Variants in KCNC2 observed in about 807,000 individuals in gnomAD.
The protein encoded by KCNC2 is voltage-gated potassium channel KCNC2.
In KCNC2, 21 loss-of-function variants were observed where a neutral mutation model predicts 44.5. The observed-to-expected ratio is 0.47, with a 90% CI of 0.33 to 0.68. The LOEUF (loss-of-function observed/expected upper bound fraction) is 0.68, where lower values mean the gene tolerates loss of function less well. KCNC2 is among the 30% of genes least tolerant of loss of function. The pLI, the probability that KCNC2 is intolerant of heterozygous loss-of-function variation, is 0.01. For missense variants in KCNC2, 589 were observed against 826.2 expected (o/e 0.71, Z 3.52); for synonymous variants, 391 against 339.1 (o/e 1.15, Z -1.68).
intron 2 of KCNC2, among the ~76,000 whole-genome samples, chr12:75,184,151 G>T (rs764254394): frequency 2.6e-5 from 4 of 151,994 alleles, no homozygotes; most frequent in Non-Finnish European, 5.9e-5. Flanking sequence ...ACTTATATTT[G>T]ATAGTAATGC....
chr12:75,043,802 C>A, intron 4 of KCNC2: 2 of 1,483,572 alleles, frequency 1.3e-6, no homozygotes, highest in Non-Finnish European at 9.0e-7. Flanking sequence ...ATGGAATGCC[C>A]ATTTCTAATT....
chr12:75,144,197 T>A (rs1379957), intron 2 of KCNC2, among the ~76,000 whole-genome samples: 25,215 of 152,102 alleles, frequency 0.17, 2,664 homozygotes, highest in African/African-American at 0.29. Flanking sequence ...TTATCTTTTT[T>A]AAAAAATTAA....
intron 2 of KCNC2, among the ~76,000 whole-genome samples, chr12:75,110,381 A>G (rs1473687739): frequency 3.3e-5 from 5 of 152,178 alleles, no homozygotes; most frequent in African/African-American, 1.2e-4. Context: ...GCTAATATTG[A>G]CAGAACATTG....
intron 2 of KCNC2, among the ~76,000 whole-genome samples, chr12:75,130,604 A>T (rs1277725963): frequency 6.6e-6 from 1 of 152,326 alleles, no homozygotes; most frequent in Admixed American, 6.5e-5. Context: ...TGATGAACAC[A>T]TCAATAAGAA....
Position 75,060,931 on chromosome 12 carries a change from T to C in KCNC2, c.688-9614A>G, listed in dbSNP as rs1882255370. Among the ~76,000 whole-genome samples the C allele has an allele frequency of 2.0e-5, 3 of 152,168 alleles. No homozygotes were observed. In the South Asian group the frequency reaches 6.2e-4, roughly 32 times the overall value. ...AATTCACCTTTTTCCTTTGTGAGTCTGGCAAAGAACTACTAAGTAGTTAAA... is the reference window on the plus strand; with the variant it reads ...AATTCACCTTTTTCCTTTGTGAGTCCGGCAAAGAACTACTAAGTAGTTAAA... On this transcript the variant is annotated intron_variant, in intron 2 of 4. Transcript: ENST00000549446.
At chr12:75,149,455 A>G (rs1890241424) in intron 2 of KCNC2, among the ~76,000 whole-genome samples, 1 of 151,914 alleles carries the variant, frequency 6.6e-6, no homozygotes, top group South Asian at 2.1e-4. Context: ...ACCATTTTAA[A>G]TGTGAATAAA....
intron 2 of KCNC2, among the ~76,000 whole-genome samples, chr12:75,088,134 A>C (rs1280303598): frequency 6.6e-6 from 1 of 152,042 alleles, no homozygotes; most frequent in African/African-American, 2.4e-5. Context: ...GGTTTAAAAA[A>C]CTATCTATTT....
At chr12:75,196,017 G>C (rs1434595394) in intron 2 of KCNC2, among the ~76,000 whole-genome samples, 8 of 152,022 alleles carry the variant, frequency 5.3e-5, no homozygotes, top group Admixed American at 3.9e-4. Flanking sequence ...TCTTCCCACT[G>C]TCTGAAAAAT....
intron 2 of KCNC2, among the ~76,000 whole-genome samples, chr12:75,106,987 A>C (rs1355362215): frequency 6.6e-6 from 1 of 152,052 alleles, no homozygotes; most frequent in Non-Finnish European, 1.5e-5. Flanking sequence ...TTTTTTCTTT[A>C]ATATTAATAA....
intron 2 of KCNC2, among the ~76,000 whole-genome samples, chr12:75,193,786 C>A (rs1220053661): frequency 6.6e-6 from 1 of 152,122 alleles, no homozygotes; most frequent in Non-Finnish European, 1.5e-5. Context: ...TGAAGGGAAT[C>A]CTGTGTTCTG....
chr12:75,144,638 G>GTA (rs1391622832), intron 2 of KCNC2, among the ~76,000 whole-genome samples: 54 of 147,298 alleles, frequency 3.7e-4, no homozygotes, highest in Middle Eastern at 3.4e-3. Flanking sequence ...GTGTGTGTGT[G>GTA]TGTATATATA....
chr12:75,150,705 G>T (rs1890329054), intron 2 of KCNC2, among the ~76,000 whole-genome samples: 1 of 151,754 alleles, frequency 6.6e-6, no homozygotes, highest in Admixed American at 6.6e-5. Context: ...AATATTACAT[G>T]ATTCTAATCA....
intron 2 of KCNC2, among the ~76,000 whole-genome samples, chr12:75,073,310 C>A (rs1028155031): frequency 1.1e-4 from 17 of 152,104 alleles, no homozygotes; most frequent in African/African-American, 4.1e-4. Context: ...CTAACTTCTG[C>A]TAAGAGGAAC....
At chr12:75,128,789 G>A (rs1287590912) in intron 2 of KCNC2, among the ~76,000 whole-genome samples, 1 of 152,136 alleles carries the variant, frequency 6.6e-6, no homozygotes, top group African/African-American at 2.4e-5. Context: ...ATAATCACCA[G>A]TGGTGAGCCC....
At chr12:75,064,371 T>C (rs1882624295) in intron 2 of KCNC2, among the ~76,000 whole-genome samples, 1 of 152,044 alleles carries the variant, frequency 6.6e-6, no homozygotes, top group Non-Finnish European at 1.5e-5. Flanking sequence ...TTTCATGATG[T>C]AAGTCCATGT....
intron 2 of KCNC2, among the ~76,000 whole-genome samples, chr12:75,146,966 T>C (rs1890069253): frequency 6.6e-6 from 1 of 152,052 alleles, no homozygotes; most frequent in African/African-American, 2.4e-5. Flanking sequence ...ACCAAGGATC[T>C]GAAAGAAAAA....
rs1328808067 is a variant in KCNC2, at chr12:75,042,412, A to G, written c.*693T>C. The G allele has an allele frequency of 1.9e-6, 3 of 1,591,678 alleles. No homozygotes were observed. The highest frequency in any genetic ancestry group is 1.4e-5 in the African/African-American group (1 of 73,628). ...AACCAGAGACATTCAGAACTCCAAT[A>G]CAGCATTTTTGAAGAAAAGTAAATC... On this transcript the variant is annotated 3_prime_UTR_variant, in exon 5 of 5. Coordinates refer to ENST00000549446, the MANE Select transcript of KCNC2 (RefSeq NM_139137.4).
At chr12:75,195,172 T>C (rs1013715622) in intron 2 of KCNC2, among the ~76,000 whole-genome samples, 32 of 152,264 alleles carry the variant, frequency 2.1e-4, no homozygotes, top group African/African-American at 7.5e-4. Context: ...GGGCTTTAAA[T>C]AAAGTAGTAG....
At chr12:75,105,071 C>T (rs1452733399) in intron 2 of KCNC2, among the ~76,000 whole-genome samples, 3 of 151,926 alleles carry the variant, frequency 2.0e-5, no homozygotes, top group African/African-American at 7.3e-5. Flanking sequence ...GACATATCAA[C>T]AAGTAAAATA....
Sources: gnomAD v4.1 joint callset for allele counts (sites outside exome capture counted in the v4.1 genomes callset) on GRCh38, gnomAD v4.1.1 for gene constraint, MANE v1.5 for transcripts, NCBI Gene and HGNC (gene_info 2026-07-23, HGNC 2026-07-21) for gene names.